STAG1: variants seen among roughly 807,000 people sequenced by gnomAD.
The protein encoded by STAG1 is STAG1 cohesin complex component.
Under a neutral mutation model 170.9 loss-of-function variants are expected in STAG1, and 26 were observed. That is an observed-to-expected ratio of 0.15 (90% CI 0.11 to 0.21). The LOEUF (loss-of-function observed/expected upper bound fraction) is 0.21, where lower values mean the gene tolerates loss of function less well. Ranked by LOEUF, STAG1 falls within the 10% of genes least tolerant of loss-of-function variation. The pLI is 1.00. For missense variants in STAG1, 964 were observed against 1,509.5 expected, an observed-to-expected ratio of 0.64 and a Z score of 5.99; for synonymous variants, 514 against 497.7, an observed-to-expected ratio of 1.03 and a Z score of -0.44.
chr3:136,525,451 T>C (rs1934959509), intron 6 of STAG1, among the ~76,000 whole-genome samples: 1 of 152,172 alleles, frequency 6.6e-6, no homozygotes, highest in South Asian at 2.1e-4. Context: ...ATCCCCTTTA[T>C]CATTTTTTAT....
intron 21 of STAG1, among the ~76,000 whole-genome samples, chr3:136,407,369 A>G (rs1218679166): frequency 1.3e-5 from 2 of 152,226 alleles, no homozygotes; most frequent in African/African-American, 4.8e-5. Flanking sequence ...GATCTTGCAC[A>G]TACTTTGTTA....
intron 26 of STAG1, among the ~76,000 whole-genome samples, chr3:136,360,700 G>A (rs564688076): frequency 1.3e-5 from 2 of 151,856 alleles, no homozygotes; most frequent in Non-Finnish European, 2.9e-5. Flanking sequence ...GAGGAGTCTC[G>A]CTCTGTCACC....
intron 22 of STAG1, among the ~76,000 whole-genome samples, chr3:136,395,890 G>C (rs1040893630): frequency 2.0e-5 from 3 of 152,028 alleles, no homozygotes; most frequent in African/African-American, 7.3e-5. Context: ...AATCTCCTTT[G>C]ACTTTACTAT....
intron 1 of STAG1, among the ~76,000 whole-genome samples, chr3:136,709,500 C>T (rs376847301): frequency 2.4e-4 from 36 of 151,144 alleles, no homozygotes; most frequent in African/African-American, 7.5e-4. Flanking sequence ...TTTGGGAGGT[C>T]GAGGCAGGAG....
At chr3:136,375,235 T>A (rs934359262) in intron 23 of STAG1, among the ~76,000 whole-genome samples, 1 of 152,172 alleles carries the variant, frequency 6.6e-6, no homozygotes, top group Non-Finnish European at 1.5e-5. Flanking sequence ...TCCAAACAAA[T>A]TTAATTATAT....
At chr3:136,610,612 AGT>A (rs1312756787) in intron 3 of STAG1, among the ~76,000 whole-genome samples, 1 of 152,250 alleles carries the variant, frequency 6.6e-6, no homozygotes, top group Non-Finnish European at 1.5e-5. Context: ...TAAGCTGGAA[AGT>A]CACTGGAATA....
intron 6 of STAG1, among the ~76,000 whole-genome samples, chr3:136,524,895 G>A (rs552355515): frequency 3.9e-5 from 6 of 152,228 alleles, no homozygotes; most frequent in African/African-American, 7.2e-5. Flanking sequence ...GCTGGATTAC[G>A]TTTATTGATT....
intron 5 of STAG1, among the ~76,000 whole-genome samples, chr3:136,556,619 G>A (rs1171288279): frequency 6.6e-6 from 1 of 151,330 alleles, no homozygotes; most frequent in Non-Finnish European, 1.5e-5. Context: ...TTCTCACTCT[G>A]TCACTCAGGC....
At chr3:136,703,529 A>G (rs2107910751) in intron 1 of STAG1, among the ~76,000 whole-genome samples, 1 of 152,346 alleles carries the variant, frequency 6.6e-6, no homozygotes, top group East Asian at 1.9e-4. Context: ...TGCTCAGTAA[A>G]CATAAAACAC....
In STAG1 at chr3:136,410,122, G is replaced by A. The variant is rs117909114; in HGVS notation, c.2196+7763C>T. 2.8e-4 allele frequency among the ~76,000 whole-genome samples: 42 copies of A among 151,702 alleles called. No homozygotes were observed. The East Asian group carries it at 7.0e-3, about 25-fold the overall frequency. The stretch of plus-strand genomic sequence containing the variant: ...TACAAAAAATAAGAGTTTGCTGGCC[G>A]GGCATGGTGGCTCATGCCTGGAATC... On this transcript the variant is annotated intron_variant, in intron 21 of 33. Transcript: ENST00000383202.
chr3:136,624,224 A>G (rs1576681481), intron 2 of STAG1, among the ~76,000 whole-genome samples: 1 of 151,680 alleles, frequency 6.6e-6, no homozygotes. Context: ...TCAGCCTCCC[A>G]AGTAGCTGGG....
At chr3:136,562,896 T>C (rs1936902940) in intron 5 of STAG1, among the ~76,000 whole-genome samples, 1 of 152,132 alleles carries the variant, frequency 6.6e-6, no homozygotes, top group Non-Finnish European at 1.5e-5. Flanking sequence ...CATTTCTGAC[T>C]ATTTCATGAC....
chr3:136,590,188 T>C (rs1474365554), intron 4 of STAG1, among the ~76,000 whole-genome samples: 1 of 151,260 alleles, frequency 6.6e-6, no homozygotes, highest in Non-Finnish European at 1.5e-5. Flanking sequence ...ACTTCATGAC[T>C]AAAAACTAAA....
intron 1 of STAG1, among the ~76,000 whole-genome samples, chr3:136,714,450 C>T (rs565350315): frequency 1.1e-4 from 16 of 151,890 alleles, no homozygotes; most frequent in East Asian, 3.9e-4. Context: ...AAAATTAGGC[C>T]GGGCGTGGTG....
chr3:136,530,529 C>T (rs560075407), intron 6 of STAG1, among the ~76,000 whole-genome samples: 3 of 152,084 alleles, frequency 2.0e-5, no homozygotes, highest in Non-Finnish European at 2.9e-5. Context: ...CAAAACAAGT[C>T]TCGTCAAATT....
intron 5 of STAG1, among the ~76,000 whole-genome samples, chr3:136,550,242 T>C (rs1378763704): frequency 2.0e-5 from 3 of 152,090 alleles, no homozygotes; most frequent in African/African-American, 7.2e-5. Flanking sequence ...AAGTCACCAG[T>C]GAAGCCAAAT....
rs530372401 is a variant in STAG1 at position 136,713,984 on chromosome 3, G to A, written c.-84+38211C>T. ...GGTTGCAGTGAGCCAAGATCGTGCCGTTGCACTCCAGCCTGGGCAACAGAG... is the reference window on the plus strand; with the variant it reads ...GGTTGCAGTGAGCCAAGATCGTGCCATTGCACTCCAGCCTGGGCAACAGAG... On this transcript the variant is annotated intron_variant, in intron 1 of 33. Coordinates refer to ENST00000383202, the MANE Select transcript of STAG1 (RefSeq NM_005862.3). 4.6e-4 allele frequency among the ~76,000 whole-genome samples: 69 copies of A among 151,502 alleles called. 1 individual carries two copies. The South Asian group carries it at 9.2e-3, about 20-fold the overall frequency.
chr3:136,663,436 T>C (rs185143815), intron 1 of STAG1, among the ~76,000 whole-genome samples: 15 of 152,312 alleles, frequency 9.8e-5, no homozygotes, highest in Non-Finnish European at 1.9e-4. Context: ...ATAAGTGAGA[T>C]AGAAACCTGA....
chr3:136,675,710 C>T lies in STAG1; in HGVS notation c.-83-44729G>A, dbSNP rs140131593. The stretch of plus-strand genomic sequence containing the variant: ...TATCCATTAAATCACTCATTATCCT[C>T]CCCACCCCTACTCCCTGACAATCAC... On this transcript the variant is annotated intron_variant, in intron 1 of 33. Coordinates refer to ENST00000383202, the MANE Select transcript of STAG1 (RefSeq NM_005862.3). 3.9e-3 allele frequency among the ~76,000 whole-genome samples: 598 copies of T among 152,246 alleles called. 2 individuals carry two copies. Among genetic ancestry groups the T allele is most frequent in the Middle Eastern group, 0.031 (9 of 294 alleles).
Sources: allele counts gnomAD v4.1 joint callset (sites outside exome capture counted in the v4.1 genomes callset), GRCh38; gene constraint gnomAD v4.1.1; transcripts MANE v1.5; gene names NCBI Gene and HGNC (gene_info 2026-07-23, HGNC 2026-07-21).